SMARCA4: variants seen among roughly 807,000 people sequenced by gnomAD.
SMARCA4 encodes SWI/SNF-related matrix-associated actin-dependent regulator of chromatin subfamily A member 4.
Under a neutral mutation model 193.9 loss-of-function variants are expected in SMARCA4, and 31 were observed. That is an observed-to-expected ratio of 0.16 (90% confidence interval 0.12 to 0.22). The LOEUF is 0.22. SMARCA4 is among the 10% of genes least tolerant of loss of function. The probability of loss-of-function intolerance (pLI) is 1.00; values close to 1 mark genes in which losing one functional copy is unlikely to be tolerated. For synonymous variants in SMARCA4, 942 were observed against 933.1 expected (o/e 1.01, Z -0.17); for missense variants, 1,148 against 2,296.0 (o/e 0.50, Z 10.22).
chr19:11,055,358 T>G (rs1045746138), intron 30 of SMARCA4, among the ~76,000 whole-genome samples: 5 of 152,164 alleles, frequency 3.3e-5, no homozygotes. Context: ...CCTGGCTCAT[T>G]TTTGTATTTT....
At chr19:11,020,382 A>T (rs1015978433) in intron 18 of SMARCA4, among the ~76,000 whole-genome samples, 6 of 151,618 alleles carry the variant, frequency 4.0e-5, no homozygotes, top group Non-Finnish European at 5.9e-5. Context: ...CAGCTGAGTG[A>T]GTGTTGAACA....
chr19:11,026,495 A>ATT, intron 23 of SMARCA4, 149 bp downstream of exon 23: 9 of 587,586 alleles, frequency 1.5e-5, no homozygotes, highest in South Asian at 8.5e-5. Context: ...AATAATACAA[A>ATT]TCTTTTTTTT....
intron 12 of SMARCA4, 68 bp downstream of exon 12, chr19:11,003,227 G>A (rs2146102901): frequency 1.2e-6 from 2 of 1,610,474 alleles, no homozygotes; most frequent in Non-Finnish European, 1.7e-6. Flanking sequence ...TTCCAGGGAG[G>A]TGGCAGCCAG....
At chr19:10,968,533 A>G (rs2084418914) in intron 1 of SMARCA4, among the ~76,000 whole-genome samples, 1 of 151,164 alleles carries the variant, frequency 6.6e-6, no homozygotes, top group South Asian at 2.1e-4. Context: ...ATTTTTTTAG[A>G]GACGGAGACT....
chr19:10,984,159 C>A lies in SMARCA4; in HGVS notation c.8C>A (p.Thr3Asn). The A allele has an allele frequency of 6.2e-7, 1 of 1,613,754 alleles. No individual in the cohort carries two copies. Among genetic ancestry groups the A allele is most frequent in the Non-Finnish European group, 8.5e-7 (1 of 1,179,960 alleles). ...TCTGCAGCTCCCGTGAAGATGTCCACTCCAGACCCACCCCTGGGCGGAACT... is the reference window on the plus strand; with the variant it reads ...TCTGCAGCTCCCGTGAAGATGTCCAATCCAGACCCACCCCTGGGCGGAACT... Reference protein sequence around the residue: MSTPDPPLGGTPR... With the variant: MSNPDPPLGGTPR... The change falls in exon 2 of 35, where the codon ACT becomes AAT. Residue 3 changes from threonine to asparagine, a missense_variant. Around this residue, in one of 17 missense-constraint regions of SMARCA4, gnomAD observed 201 missense variants for 248.3 expected, o/e 0.81. Coordinates refer to ENST00000344626, the MANE Select transcript of SMARCA4 (RefSeq NM_003072.5). This position sits in a 1 kb window ranked among gnomAD's most constrained non-coding sequence, Gnocchi z 4.3.
At chr19:11,036,911 G>A (rs1354415336) in intron 29 of SMARCA4, among the ~76,000 whole-genome samples, 1 of 152,160 alleles carries the variant, frequency 6.6e-6, no homozygotes, top group Admixed American at 6.6e-5. Context: ...ATGCTTTGGT[G>A]TCAGGCTTTT....
chr19:10,989,064 C>T (rs1249433015), intron 6 of SMARCA4, among the ~76,000 whole-genome samples: 2 of 152,220 alleles, frequency 1.3e-5, no homozygotes, highest in Non-Finnish European at 2.9e-5. Context: ...ACCTGGCTCA[C>T]ACCACTGAAA....
rs374232593 is a variant in SMARCA4 at position 11,003,210 on chromosome 19, G to A, written c.1943+51G>A. The A allele has an allele frequency of 5.9e-4, 948 of 1,613,182 alleles. 10 individuals carry two copies. The South Asian group carries it at 7.7e-3, about 13-fold the overall frequency. On this transcript the variant is annotated intron_variant, in intron 12 of 34. Transcript: ENST00000344626. ...GCAGTGGGGATCCAAGTCCTCGGTG[G>A]GCCTTGTTCCAGGGAGGTGGCAGCC...
rs1260392862 is a variant in SMARCA4, at chr19:10,986,366, A to G, written c.533A>G (p.His178Arg). 1 of 1,609,580 alleles carries G rather than the reference A, an allele frequency of 6.2e-7. No homozygotes were observed. Among genetic ancestry groups the G allele is most frequent in the Non-Finnish European group, 8.5e-7 (1 of 1,178,338 alleles). Residue 178 changes from histidine to arginine, a missense_variant, in exon 4 of 35, where the codon CAC becomes CGC. This residue lies in a region of SMARCA4 where 4 missense variants were observed against 22.8 expected (regional missense o/e 0.18). Transcript: ENST00000344626. The surrounding 1 kb of genome is among the most constrained non-coding windows in gnomAD (Gnocchi z 6.7). Reference sequence around the variant, plus strand: ...ACCCCATTTAACCAGAACCAGCTGCACCAGCTCAGAGCTCAGATCATGGCC... The same window carrying G: ...ACCCCATTTAACCAGAACCAGCTGCGCCAGCTCAGAGCTCAGATCATGGCC... Reference protein sequence around the residue: ...GPTPFNQNQLHQLRAQIMAYK... With the variant: ...GPTPFNQNQLRQLRAQIMAYK...
chr19:10,990,820 A>G (rs1454752421), intron 7 of SMARCA4, among the ~76,000 whole-genome samples: 1 of 152,186 alleles, frequency 6.6e-6, no homozygotes, highest in Non-Finnish European at 1.5e-5. Flanking sequence ...TGGCCTCCCA[A>G]AGTGTTGGGA....
chr19:10,987,937 C>T lies in SMARCA4; in HGVS notation c.1118+13C>T, dbSNP rs1333968026. 2 of 1,611,600 alleles carry T rather than the reference C, an allele frequency of 1.2e-6. No individual in the cohort carries two copies. Among genetic ancestry groups the T allele is most frequent in the East Asian group, 2.2e-5 (1 of 44,856 alleles). ...AGCGCGAGTACAGGTGAGGGCGGGG[C>T]CCAGTTGCCAAGGTCACTGCCCTGT... is the stretch of plus-strand genomic sequence containing the variant. On this transcript the variant is annotated intron_variant, in intron 6 of 34. Coordinates refer to ENST00000344626, the MANE Select transcript of SMARCA4 (RefSeq NM_003072.5). The surrounding 1 kb of genome is among the most constrained non-coding windows in gnomAD (Gnocchi z 5.3).
intron 30 of SMARCA4, among the ~76,000 whole-genome samples, chr19:11,045,938 A>G (rs1677658218): frequency 6.6e-6 from 1 of 151,574 alleles, no homozygotes. Flanking sequence ...AGAAGAAAAA[A>G]AAAGTCTGGG....
intron 13 of SMARCA4, among the ~76,000 whole-genome samples, chr19:11,006,828 G>A (rs539717220): frequency 6.6e-6 from 1 of 152,148 alleles, no homozygotes; most frequent in African/African-American, 2.4e-5. Context: ...GCTCATACCT[G>A]TAATCCCAGC....
intron 30 of SMARCA4, among the ~76,000 whole-genome samples, chr19:11,052,174 TAAAA>T (rs1158529278): frequency 6.6e-6 from 1 of 151,416 alleles, no homozygotes; most frequent in Non-Finnish European, 1.5e-5. Flanking sequence ...AAAAAGGAAG[TAAAA>T]AAGAAATAAG....
intron 34 of SMARCA4, among the ~76,000 whole-genome samples, chr19:11,061,466 C>G (rs1400287919): frequency 1.3e-5 from 2 of 151,920 alleles, no homozygotes; most frequent in Non-Finnish European, 2.9e-5. Context: ...AGCTCCACCC[C>G]CCGGGATCGC....
rs112834212 is a variant in SMARCA4, at chr19:10,989,034, T to C, written c.1119-283T>C. ...TCCATGCCAGAGCTGCATGAAAACCTTGGCCCGCCTGACGCCAGAACCTGG... is the reference window on the plus strand; with the variant it reads ...TCCATGCCAGAGCTGCATGAAAACCCTGGCCCGCCTGACGCCAGAACCTGG... On this transcript the variant is annotated intron_variant, in intron 6 of 34. Transcript: ENST00000344626. 1.7e-3 allele frequency among the ~76,000 whole-genome samples: 260 copies of C among 152,336 alleles called. 1 individual carries two copies. Among genetic ancestry groups the C allele is most frequent in the Middle Eastern group, 6.8e-3 (2 of 294 alleles).
chr19:11,039,725 G>T, intron 29 of SMARCA4: 1 of 397,610 alleles, frequency 2.5e-6, no homozygotes, highest in Non-Finnish European at 4.4e-6. Flanking sequence ...AAGATGGGAA[G>T]ATCACTTGAG....
At chr19:10,998,595 T>G (rs1403685524) in intron 11 of SMARCA4, among the ~76,000 whole-genome samples, 1 of 152,130 alleles carries the variant, frequency 6.6e-6, no homozygotes, top group Non-Finnish European at 1.5e-5. Flanking sequence ...TTGATTTGTT[T>G]GTTTTTCTAT....
intron 23 of SMARCA4, 34 bp from the exon 24 acceptor site, chr19:11,027,750 C>G: frequency 1.9e-6 from 3 of 1,613,174 alleles, no homozygotes; most frequent in Non-Finnish European, 2.5e-6. Flanking sequence ...GTTTAACATC[C>G]TGCGCCTTCT....
Sources: gnomAD v4.1 joint callset for allele counts (sites outside exome capture counted in the v4.1 genomes callset) on GRCh38, gnomAD v4.1.1 for gene constraint, gnomAD v4.1.1 regional missense constraint, Gnocchi (gnomAD v3.1) non-coding constraint, MANE v1.5 for transcripts, NCBI Gene and HGNC (gene_info 2026-07-23, HGNC 2026-07-21) for gene names.